POC1B: variants seen among roughly 807,000 people sequenced by gnomAD.
The protein encoded by POC1B is POC1 centriolar protein B.
In POC1B, 44 loss-of-function variants were observed where a neutral mutation model predicts 60.6. The ratio of observed to expected loss-of-function variants is 0.73; its 90% CI spans 0.57 to 0.93. POC1B has a LOEUF of 0.93. Among genes scored for constraint, POC1B ranks in the 40% least tolerant of loss-of-function variants. The pLI is 0.00. For synonymous variants in POC1B, 180 were observed against 198.9 expected, an observed-to-expected ratio of 0.90 and a Z score of 0.80; for missense variants, 555 against 572.3, an observed-to-expected ratio of 0.97 and a Z score of 0.31.
chr12:89,452,766 A>G (rs1882105008), intron 10 of POC1B, among the ~76,000 whole-genome samples: 1 of 152,144 alleles, frequency 6.6e-6, no homozygotes, highest in African/African-American at 2.4e-5. Context: ...AGTAAACTTT[A>G]CAGCTATACA....
the POC1B span, among the ~76,000 whole-genome samples, chr12:89,403,515 G>A: frequency 1.3e-5 from 2 of 152,128 alleles, no homozygotes; most frequent in Admixed American, 6.5e-5. Context: ...TCAGAGAAGA[G>A]TCAGAGCCTG....
intron 2 of POC1B, among the ~76,000 whole-genome samples, chr12:89,518,239 A>G (rs1025198276): frequency 2.0e-5 from 3 of 152,180 alleles, no homozygotes; most frequent in Non-Finnish European, 2.9e-5. Flanking sequence ...GATTGATTGA[A>G]GTTTCTCTGA....
intron 4 of POC1B, among the ~76,000 whole-genome samples, chr12:89,479,721 A>G (rs893494918): frequency 3.3e-5 from 5 of 152,152 alleles, no homozygotes; most frequent in Non-Finnish European, 7.4e-5. Context: ...ATAGACACAG[A>G]ATTTTAATTA....
At chr12:89,511,120 A>G (rs926451503) in intron 2 of POC1B, among the ~76,000 whole-genome samples, 1 of 151,922 alleles carries the variant, frequency 6.6e-6, no homozygotes, top group Admixed American at 6.6e-5. Context: ...TTTTCATTCC[A>G]TATTCAAAAT....
At chr12:89,423,838 G>C (rs567143071) in intron 11 of POC1B, among the ~76,000 whole-genome samples, 1 of 152,108 alleles carries the variant, frequency 6.6e-6, no homozygotes, top group Non-Finnish European at 1.5e-5. Flanking sequence ...AGGAGAAATA[G>C]GTCATGAAAC....
intron 10 of POC1B, among the ~76,000 whole-genome samples, chr12:89,459,341 C>T (rs1882381865): frequency 7.0e-6 from 1 of 143,572 alleles, no homozygotes; most frequent in African/African-American, 2.6e-5. Context: ...AGCACACCAA[C>T]ATGGCACATG....
intron 4 of POC1B, among the ~76,000 whole-genome samples, chr12:89,486,942 T>G (rs981971822): frequency 4.6e-5 from 7 of 151,274 alleles, no homozygotes; most frequent in Non-Finnish European, 1.0e-4. Flanking sequence ...CAGACACACA[T>G]ACACACACTC....
chr12:89,511,767 G>A (rs1015362675), intron 2 of POC1B, among the ~76,000 whole-genome samples: 14 of 152,056 alleles, frequency 9.2e-5, no homozygotes, highest in African/African-American at 3.1e-4. Flanking sequence ...ATCCATAAAC[G>A]TAGATGGGGC....
At chr12:89,434,188 CT>C (rs1437038771) in intron 10 of POC1B, among the ~76,000 whole-genome samples, 1 of 152,168 alleles carries the variant, frequency 6.6e-6, no homozygotes, top group Admixed American at 6.5e-5. Context: ...AAACATACAT[CT>C]TTTTCTCAAA....
intron 2 of POC1B, among the ~76,000 whole-genome samples, chr12:89,516,414 C>T (rs1432153694): frequency 6.6e-6 from 1 of 152,184 alleles, no homozygotes; most frequent in Non-Finnish European, 1.5e-5. Flanking sequence ...CTTGCCCAGA[C>T]CATCACACTA....
At chr12:89,452,542 C>T (rs1179002387) in intron 10 of POC1B, among the ~76,000 whole-genome samples, 2 of 152,000 alleles carry the variant, frequency 1.3e-5, no homozygotes, top group Middle Eastern at 3.4e-3. Flanking sequence ...TTAAGAGTAT[C>T]AAATTTTTGG....
intron 10 of POC1B, chr12:89,429,347 C>T (rs1317436647): frequency 6.6e-6 from 1 of 152,148 alleles, no homozygotes; most frequent in African/African-American, 2.4e-5. Context: ...TACCAACTAA[C>T]CCTGTCTTTA....
chr12:89,415,671 A>C (rs1392310983), downstream of POC1B, among the ~76,000 whole-genome samples: 1 of 152,148 alleles, frequency 6.6e-6, no homozygotes, highest in African/African-American at 2.4e-5. Context: ...AAAGAAAATA[A>C]TAACAACAAT....
intron 2 of POC1B, chr12:89,502,560 C>G (rs1213667018): frequency 8.6e-7 from 1 of 1,156,806 alleles, no homozygotes; most frequent in African/African-American, 1.5e-5. Context: ...CTAGGTATAC[C>G]TCTTGGAGAT....
intron 2 of POC1B, chr12:89,501,495 G>C: frequency 2.0e-6 from 2 of 981,302 alleles, no homozygotes; most frequent in South Asian, 1.5e-5. Context: ...ATATGGAAGA[G>C]CGTGAAGAGA....
At chr12:89,478,924 G>A (rs1211440318) in intron 4 of POC1B, among the ~76,000 whole-genome samples, 1 of 152,148 alleles carries the variant, frequency 6.6e-6, no homozygotes, top group Admixed American at 6.5e-5. Flanking sequence ...ATAAAGAAAT[G>A]TAAGTTATCC....
intron 2 of POC1B, chr12:89,524,448 G>C: frequency 6.2e-7 from 1 of 1,613,894 alleles, no homozygotes; most frequent in Non-Finnish European, 8.5e-7. Flanking sequence ...CTCCTGCGGA[G>C]GCATGAAAAG....
chr12:89,446,187 A>T (rs1658860916), intron 10 of POC1B, among the ~76,000 whole-genome samples: 2 of 152,256 alleles, frequency 1.3e-5, no homozygotes, highest in Admixed American at 6.5e-5. Flanking sequence ...ATTGTGGAAG[A>T]CAGTGTGGCG....
chr12:89,512,367 T>G (rs1342354284), intron 2 of POC1B, among the ~76,000 whole-genome samples: 1 of 152,242 alleles, frequency 6.6e-6, no homozygotes, highest in Non-Finnish European at 1.5e-5. Flanking sequence ...AAATTGAATT[T>G]AATTTATTCA....
Sources: allele counts gnomAD v4.1 joint callset (sites outside exome capture counted in the v4.1 genomes callset), GRCh38; gene constraint gnomAD v4.1.1; transcripts MANE v1.5; gene names NCBI Gene and HGNC (gene_info 2026-07-23, HGNC 2026-07-21).